ITGBL1: variants seen among roughly 807,000 people sequenced by gnomAD.
ITGBL1 encodes integrin beta-like protein 1.
A neutral mutation model predicts 68.5 loss-of-function variants in ITGBL1; 51 were observed. The ratio of observed to expected loss-of-function variants is 0.74; its 90% CI spans 0.59 to 0.94. ITGBL1 has a LOEUF of 0.94. Ranked by LOEUF, ITGBL1 falls within the 40% of genes least tolerant of loss-of-function variation. The pLI, the probability that ITGBL1 is intolerant of heterozygous loss-of-function variation, is 0.00. For missense variants in ITGBL1, 649 were observed against 647.4 expected (o/e 1.00, Z -0.03); for synonymous variants, 209 against 227.3 (o/e 0.92, Z 0.72).
intron 2 of ITGBL1, among the ~76,000 whole-genome samples, chr13:101,563,668 A>T (rs991638431): frequency 1.3e-5 from 2 of 151,888 alleles, no homozygotes; most frequent in Non-Finnish European, 2.9e-5. Context: ...ATTTGTAAAA[A>T]TGAATATTCT....
intron 6 of ITGBL1, among the ~76,000 whole-genome samples, chr13:101,585,700 G>A (rs1043538808): frequency 2.6e-5 from 4 of 152,084 alleles, no homozygotes; most frequent in South Asian, 2.1e-4. Flanking sequence ...AAAGTGCTGG[G>A]ATTACAGGTG....
chr13:101,466,972 C>T (rs1291935521), intron 2 of ITGBL1, among the ~76,000 whole-genome samples: 2 of 152,142 alleles, frequency 1.3e-5, no homozygotes, highest in African/African-American at 2.4e-5. Context: ...GCTGGGAAGT[C>T]TAGAATCAAG....
At chr13:101,478,910 A>G (rs1196369700) in intron 2 of ITGBL1, among the ~76,000 whole-genome samples, 1 of 152,110 alleles carries the variant, frequency 6.6e-6, no homozygotes, top group East Asian at 1.9e-4. Context: ...GATAAAATGT[A>G]ATCTCTATCA....
intron 9 of ITGBL1, among the ~76,000 whole-genome samples, chr13:101,709,371 C>CAAAAAAAAAAAAAAA (rs747662212): frequency 3.3e-5 from 2 of 61,198 alleles, no homozygotes; most frequent in African/African-American, 2.0e-4. Flanking sequence ...GACTCCGTCT[C>CAAAAAAAAAAAAAAA]AAAAAAAAAA....
At chr13:101,589,690 T>C (rs1406125633) in intron 6 of ITGBL1, among the ~76,000 whole-genome samples, 1 of 152,224 alleles carries the variant, frequency 6.6e-6, no homozygotes, top group Non-Finnish European at 1.5e-5. Flanking sequence ...TTCATCCCAA[T>C]GTGCAAGCAA....
intron 6 of ITGBL1, among the ~76,000 whole-genome samples, chr13:101,590,427 G>A (rs1366562471): frequency 6.6e-6 from 1 of 151,952 alleles, no homozygotes; most frequent in Non-Finnish European, 1.5e-5. Flanking sequence ...CCTCCTGTGG[G>A]GCACGTCACT....
At position 101,452,840 on chromosome 13, in the gene ITGBL1, C is replaced by T. The variant is rs752269800; in HGVS notation, c.7C>T (p.Pro3Ser). ...AGCAGCCCAGGAGCTCAGCATGCGT[C>T]CCCCAGGCTTCAGGAACTTCTTGCT... is the stretch of plus-strand genomic sequence containing the variant. MR[P>S]PGFRNFLLLA... Residue 3 changes from proline (P) to serine (S), a missense_variant, in exon 1 of 11, where the codon CCC becomes TCC. Physicochemically the swap from Pro to Ser is moderately conservative, Grantham distance 74. Transcript: ENST00000376180. 8.1e-6 allele frequency: 13 copies of T among 1,613,452 alleles called. No homozygotes were observed. Among genetic ancestry groups the T allele is most frequent in the Middle Eastern group, 1.7e-4 (1 of 6,028 alleles).
At chr13:101,532,282 A>T (rs1413611463) in intron 2 of ITGBL1, among the ~76,000 whole-genome samples, 1 of 152,218 alleles carries the variant, frequency 6.6e-6, no homozygotes, top group African/African-American at 2.4e-5. Context: ...GTTCTATCTT[A>T]AGAACCTGCA....
chr13:101,625,614 A>G (rs1254166356), intron 7 of ITGBL1, among the ~76,000 whole-genome samples: 4 of 151,662 alleles, frequency 2.6e-5, no homozygotes, highest in African/African-American at 9.7e-5. Context: ...GTACAATTGC[A>G]CGATCTAGGC....
At chr13:101,568,614 C>T (rs373972121) in intron 3 of ITGBL1, among the ~76,000 whole-genome samples, 1 of 151,922 alleles carries the variant, frequency 6.6e-6, no homozygotes, top group Non-Finnish European at 1.5e-5. Context: ...GTGGCCTTGA[C>T]GTTGGTGGTT....
rs1438514066 is a variant in ITGBL1, at chr13:101,671,444, TTTG to T, written c.1016-21138_1016-21136del. 1.6e-3 allele frequency among the ~76,000 whole-genome samples: 159 copies of T among 101,914 alleles called. 19 individuals are homozygous for T. The highest frequency in any genetic ancestry group is 2.7e-3 in the African/African-American group (69 of 25,590). 66.9% of individuals were successfully genotyped at this position (101,914 alleles called of 152,430 possible). ...TACCTTTGTTTTTTTTTTGTTTTTT[TTTG>T]TTTTTTTTTGAGACGGAGTCTCGCT... is the stretch of plus-strand genomic sequence containing the variant. On this transcript the variant is annotated intron_variant, in intron 7 of 10. Coordinates refer to ENST00000376180, the MANE Select transcript of ITGBL1 (RefSeq NM_004791.3).
chr13:101,576,451 CAGAG>C (rs2050360626), intron 4 of ITGBL1, among the ~76,000 whole-genome samples: 1 of 152,166 alleles, frequency 6.6e-6, no homozygotes, highest in South Asian at 2.1e-4. Context: ...AAGTAGAAAG[CAGAG>C]AGAATCATTT....
intron 7 of ITGBL1, among the ~76,000 whole-genome samples, chr13:101,660,816 T>G (rs1485479769): frequency 6.6e-6 from 1 of 152,188 alleles, no homozygotes; most frequent in Non-Finnish European, 1.5e-5. Flanking sequence ...TCTATTGTTA[T>G]ATCTAAAAAT....
intron 2 of ITGBL1, among the ~76,000 whole-genome samples, chr13:101,481,905 C>T (rs1018263049): frequency 7.9e-5 from 12 of 151,892 alleles, no homozygotes; most frequent in African/African-American, 1.2e-4. Context: ...TATCCATCAC[C>T]GCAAATATTT....
chr13:101,549,644 T>A (rs2049888238), intron 2 of ITGBL1, among the ~76,000 whole-genome samples: 1 of 152,030 alleles, frequency 6.6e-6, no homozygotes, highest in East Asian at 1.9e-4. Context: ...TTTAAAAGAT[T>A]TTTTATATAA....
chr13:101,463,940 G>T (rs193077488), intron 2 of ITGBL1, among the ~76,000 whole-genome samples: 1 of 134,318 alleles, frequency 7.4e-6, no homozygotes, highest in African/African-American at 2.8e-5. Flanking sequence ...ACAGATTCTC[G>T]CTGTGTCACC....
chr13:101,709,670 C>T (rs1394429418), intron 9 of ITGBL1, among the ~76,000 whole-genome samples: 1 of 152,136 alleles, frequency 6.6e-6, no homozygotes, highest in Non-Finnish European at 1.5e-5. Context: ...GATACCCATA[C>T]ATATTAAAAC....
In ITGBL1 at chr13:101,706,824, C is replaced by T. The variant is rs531296959; in HGVS notation, c.1201C>T (p.Pro401Ser). The T allele has an allele frequency of 3.2e-5, 52 of 1,614,032 alleles. No individual in the cohort carries two copies. Among genetic ancestry groups the T allele is most frequent in the Non-Finnish European group, 4.2e-5 (50 of 1,180,032 alleles). Residue 401 changes from proline (P) to serine (S), a missense_variant, in exon 9 of 11, where the codon CCG becomes TCG. By Grantham distance (74) the Pro-to-Ser change is moderately conservative (BLOSUM62 -1). Transcript: ENST00000376180. Reference protein sequence around the residue: ...RGWFGKLCQHPRKCNMTEEQS... With the variant: ...RGWFGKLCQHSRKCNMTEEQS... ...ATGGTTTGGAAAGCTCTGCCAACAT[C>T]CGCGGAAGTGTAACATGACGGAAGA...
chr13:101,582,355 T>A (rs2050472109), intron 5 of ITGBL1, among the ~76,000 whole-genome samples: 1 of 152,216 alleles, frequency 6.6e-6, no homozygotes, highest in South Asian at 2.1e-4. Context: ...TACAGTTTTA[T>A]TTTGTACGTT....
Sources: allele counts gnomAD v4.1 joint callset (sites outside exome capture counted in the v4.1 genomes callset), GRCh38; gene constraint gnomAD v4.1.1; transcripts MANE v1.5; gene names NCBI Gene and HGNC (gene_info 2026-07-23, HGNC 2026-07-21).